Variants in RAD51B observed in about 807,000 individuals in gnomAD.
The protein encoded by RAD51B is RAD51 paralog B.
In RAD51B, 38 loss-of-function variants were observed where a neutral mutation model predicts 42.2. That is an observed-to-expected ratio of 0.90 (90% confidence interval 0.70 to 1.18). RAD51B has a LOEUF of 1.18. Among genes scored for constraint, RAD51B ranks in the 50% most tolerant of loss-of-function variants. RAD51B has a pLI of 0.00. For synonymous variants in RAD51B, 154 were observed against 145.2 expected (o/e 1.06, Z -0.43); for missense variants, 373 against 400.7 (o/e 0.93, Z 0.59).
intron 7 of RAD51B, among the ~76,000 whole-genome samples, chr14:67,938,304 C>T (rs574454804): frequency 6.6e-6 from 1 of 152,338 alleles, no homozygotes; most frequent in African/African-American, 2.4e-5. Context: ...TTCCTCTCCA[C>T]ACCCAGAGAG....
At chr14:68,019,059 T>C (rs1421076237) in intron 7 of RAD51B, among the ~76,000 whole-genome samples, 1 of 152,032 alleles carries the variant, frequency 6.6e-6, no homozygotes, top group African/African-American at 2.4e-5. Context: ...TCAGTAATAA[T>C]TGAGTGGATG....
chr14:68,234,390 A>T (rs551855922), intron 7 of RAD51B, among the ~76,000 whole-genome samples: 1 of 152,348 alleles, frequency 6.6e-6, no homozygotes, highest in African/African-American at 2.4e-5. Context: ...TCTGAATTAC[A>T]ATTATGCATC....
intron 7 of RAD51B, among the ~76,000 whole-genome samples, chr14:67,955,329 G>A (rs1356714762): frequency 2.0e-5 from 3 of 152,134 alleles, no homozygotes; most frequent in Admixed American, 2.0e-4. Context: ...ACTACTTAGG[G>A]CTGGATCACA....
chr14:68,038,761 TC>T (rs1171277089), intron 7 of RAD51B, among the ~76,000 whole-genome samples: 1 of 152,156 alleles, frequency 6.6e-6, no homozygotes, highest in African/African-American at 2.4e-5. Context: ...GATTAAATTT[TC>T]AGAAATTTTG....
intron 5 of RAD51B, among the ~76,000 whole-genome samples, chr14:67,865,690 C>A (rs2042317904): frequency 6.6e-6 from 1 of 151,862 alleles, no homozygotes. Flanking sequence ...AGGCGCCCTA[C>A]CACCAGGCCT....
chr14:68,592,048 CT>C (rs1391097239), intron 10 of RAD51B, among the ~76,000 whole-genome samples: 1 of 152,176 alleles, frequency 6.6e-6, no homozygotes, highest in Non-Finnish European at 1.5e-5. Flanking sequence ...GTCCTACTCC[CT>C]GAAGGATCTG....
downstream of RAD51B, among the ~76,000 whole-genome samples, chr14:68,478,761 A>G (rs868571025): frequency 1.3e-5 from 2 of 152,224 alleles, no homozygotes; most frequent in African/African-American, 2.4e-5. Context: ...CATGTCTCCT[A>G]TGAGTGCCCA....
chr14:68,437,801 C>T (rs1262779157), intron 9 of RAD51B, among the ~76,000 whole-genome samples: 1 of 152,054 alleles, frequency 6.6e-6, no homozygotes, highest in East Asian at 1.9e-4. Context: ...GTGTAGCTAT[C>T]GTTGTTGGGA....
chr14:67,836,172 A>T (rs1457775687), intron 4 of RAD51B, among the ~76,000 whole-genome samples: 1 of 152,162 alleles, frequency 6.6e-6, no homozygotes, highest in Non-Finnish European at 1.5e-5. Context: ...TTGGTGAGGG[A>T]TGCAGTCATC....
At chr14:68,292,020 A>G (rs765388388) in intron 8 of RAD51B, 40 bp downstream of exon 8, 4 of 1,529,418 alleles carry the variant, frequency 2.6e-6, no homozygotes, top group Non-Finnish European at 3.6e-6. Flanking sequence ...CTTGACACTG[A>G]CATAGAGCCC....
chr14:68,241,755 C>CT (rs1192470382), intron 7 of RAD51B, among the ~76,000 whole-genome samples: 4 of 152,066 alleles, frequency 2.6e-5, no homozygotes, highest in Non-Finnish European at 5.9e-5. Context: ...TATGTTTTGT[C>CT]TACCATTCCC....
rs372946508 is a variant in RAD51B, at chr14:68,046,392, T to G, written c.756+159188T>G. ...TTGGTCTCCGGAAGTTCTGGGATTATAGATGTGAGCCACCATGCTTGGCCC... is the reference window on the plus strand; with the variant it reads ...TTGGTCTCCGGAAGTTCTGGGATTAGAGATGTGAGCCACCATGCTTGGCCC... On this transcript the variant is annotated intron_variant, in intron 7 of 10. Coordinates refer to ENST00000471583, the MANE Select transcript of RAD51B (RefSeq NM_133510.4). Among the ~76,000 whole-genome samples the G allele has an allele frequency of 1.2e-4, 19 of 152,298 alleles. No homozygotes were observed. The South Asian group carries it at 3.9e-3, about 32-fold the overall frequency.
At chr14:68,007,956 T>A (rs1473152111) in intron 7 of RAD51B, among the ~76,000 whole-genome samples, 2 of 152,012 alleles carry the variant, frequency 1.3e-5, no homozygotes, top group East Asian at 3.8e-4. Context: ...ATTGGAATGA[T>A]GACTTTTTTG....
At chr14:68,326,364 C>G (rs1245102999) in intron 8 of RAD51B, among the ~76,000 whole-genome samples, 3 of 150,994 alleles carry the variant, frequency 2.0e-5, no homozygotes, top group African/African-American at 7.4e-5. Context: ...TTAAGTAAAA[C>G]ATGTTTCCCC....
chr14:67,973,182 C>G (rs1358592772), intron 7 of RAD51B, among the ~76,000 whole-genome samples: 1 of 152,016 alleles, frequency 6.6e-6, no homozygotes, highest in Non-Finnish European at 1.5e-5. Flanking sequence ...CATTACTGAC[C>G]CTAAGGATTT....
At chr14:68,411,730 A>G (rs796473390) in intron 9 of RAD51B, among the ~76,000 whole-genome samples, 15 of 152,356 alleles carry the variant, frequency 9.8e-5, no homozygotes, top group African/African-American at 3.6e-4. Flanking sequence ...AGGAAAAAAC[A>G]TAAGAATTGA....
At chr14:68,056,648 C>T (rs1324874531) in intron 7 of RAD51B, among the ~76,000 whole-genome samples, 2 of 151,898 alleles carry the variant, frequency 1.3e-5, no homozygotes, top group Non-Finnish European at 2.9e-5. Flanking sequence ...ACTCGGGAGG[C>T]TGAGGCAGAG....
At chr14:68,134,038 A>G (rs2077957836) in intron 7 of RAD51B, among the ~76,000 whole-genome samples, 1 of 152,102 alleles carries the variant, frequency 6.6e-6, no homozygotes, top group South Asian at 2.1e-4. Flanking sequence ...TTGAATAACC[A>G]CTAGCATCCA....
intron 8 of RAD51B, among the ~76,000 whole-genome samples, chr14:68,327,384 T>G (rs1375091243): frequency 6.0e-5 from 1 of 16,796 alleles, no homozygotes; most frequent in Non-Finnish European, 1.9e-4. Flanking sequence ...TTTTTGTTGT[T>G]TTTTTTTTTT....
Sources: gnomAD v4.1 joint callset for allele counts (sites outside exome capture counted in the v4.1 genomes callset) on GRCh38, gnomAD v4.1.1 for gene constraint, MANE v1.5 for transcripts, NCBI Gene and HGNC (gene_info 2026-07-23, HGNC 2026-07-21) for gene names.